The following CD38 variants were observed in gnomAD, a reference collection of about 807,000 sequenced individuals.
CD38 encodes the protein CD38 molecule, also known as ADP-ribosyl cyclase/cyclic ADP-ribose hydrolase 1.
A neutral mutation model predicts 36.3 loss-of-function variants in CD38; 31 were observed. The ratio of observed to expected loss-of-function variants is 0.85; its 90% confidence interval spans 0.64 to 1.15. The LOEUF (loss-of-function observed/expected upper bound fraction) is 1.15. Ranked by LOEUF, CD38 falls within the 50% of genes most tolerant of loss-of-function variation. The probability of loss-of-function intolerance (pLI) is 0.00; values close to 1 mark genes in which losing one functional copy is unlikely to be tolerated. For missense variants in CD38, 380 were observed against 371.9 expected (o/e 1.02, Z -0.18); for synonymous variants, 131 against 135.2 (o/e 0.97, Z 0.22).
chr4:15,811,096 A>G (rs1723458962), intron 1 of CD38, among the ~76,000 whole-genome samples: 1 of 152,186 alleles, frequency 6.6e-6, no homozygotes, highest in South Asian at 2.1e-4. Context: ...GTATAAAATT[A>G]TTGGCCCATT....
At chr4:15,816,188 G>C (rs1308263532) in intron 1 of CD38, among the ~76,000 whole-genome samples, 1 of 152,058 alleles carries the variant, frequency 6.6e-6, no homozygotes, top group Non-Finnish European at 1.5e-5. Context: ...GAGGATTTTT[G>C]CATCGATGTT....
intron 1 of CD38, among the ~76,000 whole-genome samples, chr4:15,815,084 C>T (rs966487151): frequency 3.9e-5 from 6 of 152,038 alleles, no homozygotes; most frequent in Admixed American, 3.3e-4. Context: ...GGATTACAGG[C>T]GTGAGCCACC....
chr4:15,832,159 TC>T (rs1723972934), intron 3 of CD38, among the ~76,000 whole-genome samples: 1 of 152,176 alleles, frequency 6.6e-6, no homozygotes, highest in African/African-American at 2.4e-5. Flanking sequence ...TATTTCCATC[TC>T]TTTGTTAAAT....
Position 15,838,785 on chromosome 4 carries a change from G to A in CD38, c.659+620G>A, listed in dbSNP as rs140824112. Among the ~76,000 whole-genome samples the A allele has an allele frequency of 2.3e-3, 344 of 152,262 alleles. 3 individuals carry two copies. The highest frequency in any genetic ancestry group is 7.8e-3 in the African/African-American group (326 of 41,540). On this transcript the variant is annotated intron_variant, in intron 5 of 7. Coordinates refer to ENST00000226279, the MANE Select transcript of CD38 (RefSeq NM_001775.4). ...GGGCAGTCAACCTCTGTGAGCCCCT[G>A]AATATGTACCAAAGAGTTGATGGTG...
At chr4:15,790,189 C>T (rs1201917076) in intron 1 of CD38, among the ~76,000 whole-genome samples, 1 of 133,550 alleles carries the variant, frequency 7.5e-6, no homozygotes, top group South Asian at 2.6e-4. Context: ...CTCCCTCTCC[C>T]TCTCTCTCCA....
intron 4 of CD38, among the ~76,000 whole-genome samples, chr4:15,835,649 A>G (rs1724054565): frequency 1.3e-5 from 2 of 151,866 alleles, no homozygotes; most frequent in Non-Finnish European, 2.9e-5. Context: ...AGGTGCTAAG[A>G]CTACAGCCAT....
At chr4:15,787,509 A>T (rs1157861297) in intron 1 of CD38, among the ~76,000 whole-genome samples, 1 of 152,012 alleles carries the variant, frequency 6.6e-6, no homozygotes, top group African/African-American at 2.4e-5. Flanking sequence ...GTGTCTGCTC[A>T]TTTTTCTGTA....
chr4:15,791,008 G>A (rs1288696044), intron 1 of CD38, among the ~76,000 whole-genome samples: 2 of 145,550 alleles, frequency 1.4e-5, no homozygotes, highest in African/African-American at 2.6e-5. Context: ...AGTGAGGAGC[G>A]TCTCCGCCCG....
chr4:15,791,043 G>A (rs1722969140), intron 1 of CD38, among the ~76,000 whole-genome samples: 1 of 136,746 alleles, frequency 7.3e-6, no homozygotes, highest in Non-Finnish European at 1.6e-5. Flanking sequence ...CGGGAGGGAG[G>A]TGGGGGGGGG....
In CD38 at chr4:15,852,809, C is replaced by CTTTTTT. The variant is rs11303312; in HGVS notation, c.*4220_*4225dup. ...ACTATTCCCTAACGGGGCATTTATT[C>CTTTTTT]TTTTTTTTTTTTTTTTTTGGGAGAC... On this transcript the variant is annotated 3_prime_UTR_variant, in exon 8 of 8. Coordinates refer to ENST00000226279, the MANE Select transcript of CD38 (RefSeq NM_001775.4). The CTTTTTT allele has an allele frequency of 2.4e-5, 3 of 125,724 alleles. No individual in the cohort carries two copies. The highest frequency in any genetic ancestry group is 2.3e-4 in the East Asian group (1 of 4,420). 7.8% of individuals were successfully genotyped at this position (125,724 alleles called of 1,614,324 possible). A position where few individuals can be genotyped will look rare whatever the true frequency, so the allele number is the denominator to read the frequency against.
intron 7 of CD38, among the ~76,000 whole-genome samples, chr4:15,842,212 T>G (rs1161419277): frequency 8.7e-6 from 1 of 114,444 alleles, no homozygotes; most frequent in Non-Finnish European, 1.7e-5. Context: ...GCTGGAGATC[T>G]GAGAACGGGC....
chr4:15,809,515 T>C (rs1723419531), intron 1 of CD38, among the ~76,000 whole-genome samples: 1 of 152,206 alleles, frequency 6.6e-6, no homozygotes. Context: ...GGTCTTCCAT[T>C]TTCCCCATTC....
intron 1 of CD38, among the ~76,000 whole-genome samples, chr4:15,808,163 G>A (rs1723382948): frequency 6.6e-6 from 1 of 152,138 alleles, no homozygotes; most frequent in South Asian, 2.1e-4. Context: ...ATCCAATTTT[G>A]CTTAAGGATG....
At chr4:15,825,311 G>GGGGA in intron 3 of CD38, 1 of 345,980 alleles carries the variant, frequency 2.9e-6, no homozygotes, top group Non-Finnish European at 5.4e-6. Flanking sequence ...AGAAGGGGAA[G>GGGGA]GGGAGCTGGC....
rs1722720009 is a variant in CD38 at position 15,782,442 on chromosome 4, G to T, written c.233+3795G>T. On this transcript the variant is annotated intron_variant, in intron 1 of 7. Coordinates refer to ENST00000226279, the MANE Select transcript of CD38 (RefSeq NM_001775.4). ...TTATTTTATTACCTTTTATCAATTA[G>T]CTTTTAAGATGATAAAAATCTAATA... is the stretch of plus-strand genomic sequence containing the variant. Among the ~76,000 whole-genome samples, 12 of 151,974 alleles carry T rather than the reference G, an allele frequency of 7.9e-5. 2 individuals are homozygous for T. The South Asian group carries it at 2.5e-3, about 32-fold the overall frequency.
chr4:15,841,325 T>G (rs936694764), intron 7 of CD38, among the ~76,000 whole-genome samples: 6 of 152,198 alleles, frequency 3.9e-5, no homozygotes, highest in African/African-American at 1.4e-4. Context: ...ATATTGTTCC[T>G]GTTTCCATGT....
chr4:15,834,029 G>T (rs1187819618), intron 3 of CD38, among the ~76,000 whole-genome samples, 188 bp from the exon 4 acceptor site: 5 of 152,186 alleles, frequency 3.3e-5, no homozygotes, highest in Admixed American at 2.6e-4. Flanking sequence ...TGGAAGATAA[G>T]GTAAGAACTT....
At chr4:15,829,158 T>C (rs759031423) in intron 3 of CD38, among the ~76,000 whole-genome samples, 2 of 152,136 alleles carry the variant, frequency 1.3e-5, no homozygotes, top group African/African-American at 2.4e-5. Context: ...CACCTTTAAA[T>C]TGATTTTTTT....
At chr4:15,839,415 C>CT (rs560134404) in intron 5 of CD38, among the ~76,000 whole-genome samples, 1,653 of 88,054 alleles carry the variant, frequency 0.019, 195 homozygotes, top group African/African-American at 0.043. Context: ...TTCTACATTT[C>CT]TTTTTTTTTT....
Sources: allele counts gnomAD v4.1 joint callset (sites outside exome capture counted in the v4.1 genomes callset), GRCh38; gene constraint gnomAD v4.1.1; transcripts MANE v1.5; gene names NCBI Gene and HGNC (gene_info 2026-07-23, HGNC 2026-07-21).